Variants in VWA8 observed in about 807,000 individuals in gnomAD.
VWA8 encodes the protein von Willebrand factor A domain-containing protein 8.
A neutral mutation model predicts 241.5 loss-of-function variants in VWA8; 221 were observed. The observed-to-expected ratio is 0.91, with a 90% CI of 0.82 to 1.02. The LOEUF (loss-of-function observed/expected upper bound fraction) is 1.02. Ranked by LOEUF, VWA8 falls within the 50% of genes least tolerant of loss-of-function variation. The pLI is 0.00. For missense variants in VWA8, 2,322 were observed against 2,328.7 expected, an observed-to-expected ratio of 1.00 and a Z score of 0.06; for synonymous variants, 852 against 827.1, an observed-to-expected ratio of 1.03 and a Z score of -0.52.
intron 39 of VWA8, 97 bp from the exon 40 acceptor site, chr13:41,605,373 T>C (rs1489131806): frequency 8.7e-7 from 1 of 1,153,502 alleles, no homozygotes; most frequent in African/African-American, 1.5e-5. Flanking sequence ...GCAAACTCCT[T>C]GGAAACTCAG....
chr13:41,921,966 T>C (rs1294887819), intron 2 of VWA8, among the ~76,000 whole-genome samples: 3 of 152,144 alleles, frequency 2.0e-5, no homozygotes, highest in East Asian at 3.9e-4. Flanking sequence ...AAAAAGAGCC[T>C]GCATTGCCAA....
chr13:41,922,870 A>G (rs1876624389), intron 2 of VWA8, among the ~76,000 whole-genome samples: 1 of 152,258 alleles, frequency 6.6e-6, no homozygotes, highest in Non-Finnish European at 1.5e-5. Flanking sequence ...TGTGGAAGAC[A>G]GTGTGGTGAT....
intron 37 of VWA8, among the ~76,000 whole-genome samples, chr13:41,642,020 A>G (rs545497107): frequency 2.0e-5 from 3 of 152,326 alleles, no homozygotes; most frequent in African/African-American, 7.2e-5. Context: ...CTGTTGTCTC[A>G]GCATAATTAT....
At chr13:41,710,562 G>A (rs575587323) in intron 26 of VWA8, among the ~76,000 whole-genome samples, 5 of 152,268 alleles carry the variant, frequency 3.3e-5, no homozygotes, top group Non-Finnish European at 7.4e-5. Context: ...ATGTCATTAA[G>A]TAGACTTTAT....
intron 37 of VWA8, among the ~76,000 whole-genome samples, chr13:41,633,340 C>G (rs935706195): frequency 2.0e-5 from 3 of 152,176 alleles, no homozygotes; most frequent in Admixed American, 6.5e-5. Context: ...CAGCACCAGG[C>G]ACAGTCTTGG....
At chr13:41,944,670 G>T (rs184998935) in intron 2 of VWA8, among the ~76,000 whole-genome samples, 10 of 152,224 alleles carry the variant, frequency 6.6e-5, no homozygotes, top group Admixed American at 6.5e-4. Context: ...GAAGTGAACA[G>T]AACTATACAG....
chr13:41,729,800 C>CACACACACAT (rs760318529), intron 22 of VWA8, 123 bp from the exon 23 acceptor site: 18 of 150,382 alleles, frequency 1.2e-4, no homozygotes, highest in South Asian at 2.8e-4. Context: ...TACACGTAGA[C>CACACACACAT]ACACACACAC....
chr13:41,773,263 T>A (rs189836987), intron 20 of VWA8, among the ~76,000 whole-genome samples: 29 of 152,354 alleles, frequency 1.9e-4, no homozygotes, highest in South Asian at 4.1e-4. Flanking sequence ...TATCTGCACC[T>A]TTATTTGCCT....
intron 42 of VWA8, among the ~76,000 whole-genome samples, chr13:41,584,483 A>AT (rs1555305033): frequency 6.6e-6 from 1 of 152,070 alleles, no homozygotes; most frequent in Non-Finnish European, 1.5e-5. Context: ...CCAGGTATCA[A>AT]TTTTTCTGAA....
intron 35 of VWA8, among the ~76,000 whole-genome samples, chr13:41,677,075 C>A (rs947485150): frequency 6.6e-6 from 1 of 151,896 alleles, no homozygotes; most frequent in African/African-American, 2.4e-5. Flanking sequence ...GAATTTTAGA[C>A]TTTAGGAATA....
intron 37 of VWA8, among the ~76,000 whole-genome samples, chr13:41,627,777 A>G (rs1364161454): frequency 6.6e-6 from 1 of 152,126 alleles, no homozygotes; most frequent in Non-Finnish European, 1.5e-5. Context: ...CACTAGATAG[A>G]GCAGAGTGAG....
intron 9 of VWA8, among the ~76,000 whole-genome samples, chr13:41,870,715 T>C (rs920504989): frequency 6.6e-6 from 1 of 151,892 alleles, no homozygotes; most frequent in Non-Finnish European, 1.5e-5. Context: ...AGCTTAAATG[T>C]ATGTTTTCCC....
rs78780872 is a variant in VWA8 at position 41,941,833 on chromosome 13, G to A, written c.241+8103C>T. ...CAATCACCCCTATACAGTCAAGGAG[G>A]CTCAGAGCAGTGAAATAACCTGCAG... On this transcript the variant is annotated intron_variant, in intron 2 of 44. Coordinates refer to ENST00000379310, the MANE Select transcript of VWA8 (RefSeq NM_015058.2). Among the ~76,000 whole-genome samples the A allele has an allele frequency of 7.3e-3, 1,113 of 152,240 alleles. 16 individuals carry two copies. Among genetic ancestry groups the A allele is most frequent in the African/African-American group, 0.026 (1,065 of 41,548 alleles).
At chr13:41,936,544 C>T (rs1456646900) in intron 2 of VWA8, among the ~76,000 whole-genome samples, 3 of 152,114 alleles carry the variant, frequency 2.0e-5, no homozygotes, top group Admixed American at 2.0e-4. Context: ...GACTAAATTG[C>T]CACATGGATC....
At chr13:41,765,485 A>G (rs1282573350) in intron 20 of VWA8, among the ~76,000 whole-genome samples, 1 of 152,200 alleles carries the variant, frequency 6.6e-6, no homozygotes, top group Non-Finnish European at 1.5e-5. Flanking sequence ...CTAGGAAAGA[A>G]TTTCTGTAAA....
intron 35 of VWA8, among the ~76,000 whole-genome samples, chr13:41,680,666 T>C (rs1376858502): frequency 6.6e-6 from 1 of 152,182 alleles, no homozygotes; most frequent in Admixed American, 6.5e-5. Flanking sequence ...GGTTTGACCC[T>C]TACAAGAGTA....
rs532810273 is a variant in VWA8 at position 41,866,336 on chromosome 13, G to A, written c.1213-300C>T. 1.7e-3 allele frequency among the ~76,000 whole-genome samples: 259 copies of A among 150,838 alleles called. 2 individuals carry two copies. Among genetic ancestry groups the A allele is most frequent in the African/African-American group, 5.8e-3 (237 of 40,988 alleles). The stretch of plus-strand genomic sequence containing the variant: ...TGCACTGCAGCCTGGGCAACAGAGC[G>A]AGACTCTGTCCCAAAAAAAAAAATA... On this transcript the variant is annotated intron_variant, in intron 10 of 44. Transcript: ENST00000379310.
At chr13:41,893,557 G>A (rs911969051) in intron 4 of VWA8, among the ~76,000 whole-genome samples, 2 of 151,780 alleles carry the variant, frequency 1.3e-5, no homozygotes, top group African/African-American at 4.8e-5. Context: ...CTGTATAAAG[G>A]ACAAAGTCGT....
intron 43 of VWA8, among the ~76,000 whole-genome samples, chr13:41,574,052 C>T (rs904836656): frequency 6.6e-6 from 1 of 152,040 alleles, no homozygotes; most frequent in Non-Finnish European, 1.5e-5. Context: ...GCATTGCATG[C>T]CCGTATCAAA....
Sources: gnomAD v4.1 joint callset for allele counts (sites outside exome capture counted in the v4.1 genomes callset) on GRCh38, gnomAD v4.1.1 for gene constraint, MANE v1.5 for transcripts, NCBI Gene and HGNC (gene_info 2026-07-23, HGNC 2026-07-21) for gene names.